The following MTMR7 variants were observed in gnomAD, a reference collection of about 807,000 sequenced individuals.
MTMR7 encodes the protein phosphatidylinositol-3-phosphate phosphatase MTMR7.
Under a neutral mutation model 81.2 loss-of-function variants are expected in MTMR7, and 76 were observed. That is an observed-to-expected ratio of 0.94 (90% CI 0.78 to 1.13). MTMR7 has a LOEUF of 1.13. Ranked by LOEUF, MTMR7 falls within the 50% of genes most tolerant of loss-of-function variation. The pLI, the probability that MTMR7 is intolerant of heterozygous loss-of-function variation, is 0.00. For synonymous variants in MTMR7, 372 were observed against 289.8 expected (o/e 1.28, Z -2.88); for missense variants, 1,044 against 820.0 (o/e 1.27, Z -3.34).
At chr8:17,303,184 T>A (rs1817239035) in intron 12 of MTMR7, among the ~76,000 whole-genome samples, 1 of 152,166 alleles carries the variant, frequency 6.6e-6, no homozygotes, top group Non-Finnish European at 1.5e-5. Context: ...CAGTGTTTGA[T>A]CCTCAATAAA....
chr8:17,322,307 G>A (rs997789397), intron 7 of MTMR7, among the ~76,000 whole-genome samples: 2 of 152,206 alleles, frequency 1.3e-5, no homozygotes, highest in African/African-American at 4.8e-5. Flanking sequence ...GGCTACACAA[G>A]CTCATCACCA....
chr8:17,349,208 G>C, intron 4 of MTMR7, 127 bp from the exon 5 acceptor site: 1 of 1,173,190 alleles, frequency 8.5e-7, no homozygotes. Flanking sequence ...TTACAGAGGA[G>C]GCTATTTCGA....
intron 1 of MTMR7, among the ~76,000 whole-genome samples, chr8:17,373,540 A>G (rs770661151): frequency 4.6e-5 from 7 of 152,172 alleles, no homozygotes; most frequent in Non-Finnish European, 7.4e-5. Flanking sequence ...TCATTTCATT[A>G]TAATTATATT....
intron 1 of MTMR7, among the ~76,000 whole-genome samples, chr8:17,386,760 G>A (rs571052345): frequency 5.3e-4 from 81 of 152,286 alleles, no homozygotes; most frequent in Admixed American, 4.4e-3. Flanking sequence ...TTGGTCACAC[G>A]CTTACCCCTA....
intron 1 of MTMR7, among the ~76,000 whole-genome samples, chr8:17,385,647 C>CT (rs1403043374): frequency 1.3e-5 from 2 of 152,150 alleles, no homozygotes; most frequent in Non-Finnish European, 2.9e-5. Context: ...TGAGAACACA[C>CT]TAATATAGTA....
chr8:17,363,828 T>C (rs1820132087), intron 3 of MTMR7, among the ~76,000 whole-genome samples: 1 of 151,704 alleles, frequency 6.6e-6, no homozygotes, highest in Non-Finnish European at 1.5e-5. Flanking sequence ...TCCCATGTCA[T>C]AATTTTCTGT....
intron 1 of MTMR7, among the ~76,000 whole-genome samples, chr8:17,389,560 C>T (rs547080423): frequency 7.2e-5 from 11 of 152,248 alleles, no homozygotes; most frequent in African/African-American, 2.4e-4. Context: ...TGATGCCAAG[C>T]ACAGATGCTA....
intron 1 of MTMR7, among the ~76,000 whole-genome samples, chr8:17,395,644 T>C (rs1821224162): frequency 6.6e-6 from 1 of 152,230 alleles, no homozygotes; most frequent in African/African-American, 2.4e-5. Context: ...GGTATCTTAT[T>C]GTGGTTCTGA....
At chr8:17,390,743 G>A (rs1231473193) in intron 1 of MTMR7, among the ~76,000 whole-genome samples, 2 of 152,148 alleles carry the variant, frequency 1.3e-5, no homozygotes, top group African/African-American at 4.8e-5. Context: ...TTCTTCACAA[G>A]GGAGCAGGAG....
chr8:17,383,877 G>T (rs1820841168), intron 1 of MTMR7, among the ~76,000 whole-genome samples: 2 of 152,128 alleles, frequency 1.3e-5, no homozygotes, highest in African/African-American at 4.8e-5. Flanking sequence ...CAGCTTTGGA[G>T]GAACCATGCA....
chr8:17,413,126 A>G lies in MTMR7; in HGVS notation c.24+143T>C. On this transcript the variant is annotated intron_variant, in intron 1 of 13. Coordinates refer to ENST00000180173, the MANE Select transcript of MTMR7 (RefSeq NM_004686.5). ...GGCTCGCAGGCACCCCGGGATGCTC[A>G]GGCAATGCCTGCTCCTCCCTCGCCC... The G allele has an allele frequency of 3.2e-6, 3 of 928,418 alleles. No individual in the cohort carries two copies. In the South Asian group the frequency reaches 4.4e-5, roughly 13 times the overall value. The allele number at this position is 928,418 out of a possible 1,614,324, so 57.5% of individuals were successfully genotyped here.
intron 1 of MTMR7, among the ~76,000 whole-genome samples, chr8:17,381,028 C>T (rs1820741934): frequency 6.6e-6 from 1 of 152,066 alleles, no homozygotes; most frequent in South Asian, 2.1e-4. Context: ...ACATCTAATT[C>T]CATTCAAAAA....
At chr8:17,326,545 T>C (rs571562787) in intron 7 of MTMR7, 1 of 152,314 alleles carries the variant, frequency 6.6e-6, no homozygotes, top group East Asian at 1.9e-4. Flanking sequence ...TAGGTTAAAA[T>C]ACTGCTTTGT....
chr8:17,328,574 G>C (rs956992980), intron 7 of MTMR7, among the ~76,000 whole-genome samples: 2 of 152,086 alleles, frequency 1.3e-5, no homozygotes, highest in Non-Finnish European at 2.9e-5. Context: ...TGGCGGGGGT[G>C]GGGGAGTGGA....
chr8:17,398,405 A>G (rs1821322917), intron 1 of MTMR7, among the ~76,000 whole-genome samples: 2 of 152,218 alleles, frequency 1.3e-5, no homozygotes, highest in Admixed American at 1.3e-4. Context: ...TGCAATTGCT[A>G]TATTGAAGAA....
intron 9 of MTMR7, among the ~76,000 whole-genome samples, chr8:17,309,685 C>T (rs374019973): frequency 5.9e-5 from 9 of 152,282 alleles, no homozygotes; most frequent in East Asian, 5.8e-4. Flanking sequence ...GTTTCATATT[C>T]GCCCAAGATC....
chr8:17,363,846 G>A (rs962477513), intron 3 of MTMR7, among the ~76,000 whole-genome samples: 8 of 148,730 alleles, frequency 5.4e-5, no homozygotes, highest in Admixed American at 1.4e-4. Context: ...TGTTCTTTTC[G>A]TTCTCTACTT....
intron 4 of MTMR7, among the ~76,000 whole-genome samples, chr8:17,351,853 A>G (rs1175657693): frequency 6.6e-6 from 1 of 152,232 alleles, no homozygotes; most frequent in Non-Finnish European, 1.5e-5. Flanking sequence ...AGAAGCATGG[A>G]TATTTGTCCT....
At position 17,335,216 on chromosome 8, in the gene MTMR7, C is replaced by G. The variant is rs1253884683; in HGVS notation, c.733-3934G>C. Among the ~76,000 whole-genome samples the G allele has an allele frequency of 2.0e-5, 3 of 152,182 alleles. No homozygotes were observed. In the East Asian group the frequency reaches 5.8e-4, roughly 29 times the overall value. Reference sequence around the variant, plus strand: ...TGACAGAGAGGAGGGACGGAGAACGCAGGCTCCACGAGGGGCCCTGAGTGT... The same window carrying G: ...TGACAGAGAGGAGGGACGGAGAACGGAGGCTCCACGAGGGGCCCTGAGTGT... On this transcript the variant is annotated intron_variant, in intron 6 of 13. Coordinates refer to ENST00000180173, the MANE Select transcript of MTMR7 (RefSeq NM_004686.5).
Sources: allele counts gnomAD v4.1 joint callset (sites outside exome capture counted in the v4.1 genomes callset), GRCh38; gene constraint gnomAD v4.1.1; transcripts MANE v1.5; gene names NCBI Gene and HGNC (gene_info 2026-07-23, HGNC 2026-07-21).